The following DOP1B variants were observed in gnomAD, a reference collection of about 807,000 sequenced individuals.
DOP1B encodes the protein DOP1 leucine zipper like protein B.
Under a neutral mutation model 233.5 loss-of-function variants are expected in DOP1B, and 174 were observed. The observed-to-expected ratio is 0.75, with a 90% confidence interval of 0.66 to 0.85. The LOEUF (loss-of-function observed/expected upper bound fraction) is 0.85, where lower values mean the gene tolerates loss of function less well. Ranked by LOEUF, DOP1B falls within the 40% of genes least tolerant of loss-of-function variation. DOP1B has a pLI of 0.00. For missense variants in DOP1B, 2,652 were observed against 2,846.6 expected (o/e 0.93, Z 1.56); for synonymous variants, 1,190 against 1,185.6 (o/e 1.00, Z -0.08).
At chr21:36,270,326 G>GCGGGTCGCCTGAGGTGATTACAAATGATC (rs2067272963) in intron 27 of DOP1B, among the ~76,000 whole-genome samples, 169 bp downstream of exon 27, 3 of 151,848 alleles carry the variant, frequency 2.0e-5, no homozygotes, top group African/African-American at 7.3e-5. Flanking sequence ...ACCGAGATGG[G>GCGGGTCGCCTGAGGTGATTACAAATGATC]CAGATAAAGC....
intron 1 of DOP1B, among the ~76,000 whole-genome samples, chr21:36,159,635 C>T (rs1000402421): frequency 6.6e-6 from 1 of 152,186 alleles, no homozygotes; most frequent in Admixed American, 6.5e-5. Flanking sequence ...TTCATATGGC[C>T]AACCATAACA....
intron 22 of DOP1B, among the ~76,000 whole-genome samples, chr21:36,252,008 C>T (rs2067037217): frequency 2.6e-5 from 4 of 152,002 alleles, no homozygotes. Context: ...TGAGACCAGC[C>T]TGGGCAATAT....
rs140697913 is a variant in DOP1B at position 36,233,856 on chromosome 21, T to C, written c.2622+781T>C. 3.3e-5 allele frequency among the ~76,000 whole-genome samples: 5 copies of C among 152,230 alleles called. No homozygotes were observed. The East Asian group carries it at 9.7e-4, about 29-fold the overall frequency. ...TTTTACTTAATTGCTCATTGACTTT[T>C]TTTGTTGTTGTTGTTGAGACGGAGT... On this transcript the variant is annotated intron_variant, in intron 15 of 36. Transcript: ENST00000691173.
intron 26 of DOP1B, among the ~76,000 whole-genome samples, chr21:36,269,694 A>AC (rs200773949): frequency 6.8e-6 from 1 of 147,910 alleles, no homozygotes; most frequent in African/African-American, 2.5e-5. Context: ...TAATTTTTGT[A>AC]TTTTTTTTAG....
chr21:36,268,467 C>A (rs952790874), intron 26 of DOP1B, among the ~76,000 whole-genome samples: 1 of 152,088 alleles, frequency 6.6e-6, no homozygotes, highest in South Asian at 2.1e-4. Context: ...TTCAAACACA[C>A]GTTTTACAAT....
intron 2 of DOP1B, among the ~76,000 whole-genome samples, chr21:36,189,221 T>C (rs1232725052): frequency 6.6e-6 from 1 of 152,212 alleles, no homozygotes; most frequent in Non-Finnish European, 1.5e-5. Flanking sequence ...TTGAATCTTT[T>C]TTTTTCAAAC....
chr21:36,213,164 A>G (rs2066520048), intron 7 of DOP1B, among the ~76,000 whole-genome samples: 2 of 152,230 alleles, frequency 1.3e-5, no homozygotes, highest in African/African-American at 4.8e-5. Flanking sequence ...AAAACTTTAG[A>G]AAGTCATTGC....
At chr21:36,274,890 G>A (rs1235252729) in intron 27 of DOP1B, among the ~76,000 whole-genome samples, 1 of 152,146 alleles carries the variant, frequency 6.6e-6, no homozygotes, top group African/African-American at 2.4e-5. Flanking sequence ...TGTTGCCCAG[G>A]CAGGAGTGCA....
intron 2 of DOP1B, among the ~76,000 whole-genome samples, chr21:36,180,657 G>A (rs551487840): frequency 4.6e-5 from 7 of 152,160 alleles, no homozygotes; most frequent in Admixed American, 4.6e-4. Flanking sequence ...GAGGCGGGGG[G>A]ATCACCTGAG....
intron 5 of DOP1B, among the ~76,000 whole-genome samples, chr21:36,210,758 G>A (rs1348888176): frequency 1.3e-5 from 2 of 152,194 alleles, no homozygotes; most frequent in Non-Finnish European, 2.9e-5. Context: ...GTTGCAGTGA[G>A]TCAAGATCAC....
intron 21 of DOP1B, 53 bp downstream of exon 21, chr21:36,248,621 C>T: frequency 6.6e-7 from 1 of 1,517,000 alleles, no homozygotes; most frequent in Non-Finnish European, 8.9e-7. Flanking sequence ...TATTGTTCCA[C>T]CCAAAATAAA....
chr21:36,282,148 C>T (rs1254958575), intron 32 of DOP1B, among the ~76,000 whole-genome samples: 2 of 152,202 alleles, frequency 1.3e-5, no homozygotes, highest in Non-Finnish European at 2.9e-5. Flanking sequence ...AGGTCAGGTA[C>T]AGTGGCTCAT....
rs1255691645 is a variant in DOP1B at position 36,284,462 on chromosome 21, G to C, written c.6160+2851G>C. Among the ~76,000 whole-genome samples the C allele has an allele frequency of 2.7e-5, 4 of 150,130 alleles. No individual in the cohort carries two copies. In the Admixed American group the frequency reaches 2.7e-4, roughly 10 times the overall value. On this transcript the variant is annotated intron_variant, in intron 32 of 36. Transcript: ENST00000691173. ...ATTTTTGTATTTTTAGTAGAGACAG[G>C]GTTTCACCATGTTGGTCATGCTGGT... is the stretch of plus-strand genomic sequence containing the variant.
In DOP1B at chr21:36,231,152, C is replaced by T. The variant is rs183526573; in HGVS notation, c.2350+18C>T. On this transcript the variant is annotated intron_variant, in intron 14 of 36. Coordinates refer to ENST00000691173, the MANE Select transcript of DOP1B (RefSeq NM_001320714.2). The stretch of plus-strand genomic sequence containing the variant: ...GCTGCCAGGTGAGAGGCAGCCCTGC[C>T]GAAGTCCCTCTTTGGGAATCATACG... 5.1e-3 allele frequency: 7,975 copies of T among 1,557,652 alleles called. 51 individuals carry two copies. Among genetic ancestry groups the T allele is most frequent in the South Asian group, 0.012 (1,005 of 83,006 alleles).
At chr21:36,176,087 G>GGGGTGTGTGT (rs1232680435) in intron 2 of DOP1B, among the ~76,000 whole-genome samples, 8 of 96,534 alleles carry the variant, frequency 8.3e-5, no homozygotes, top group African/African-American at 2.8e-4. Flanking sequence ...TCGACTTTGG[G>GGGGTGTGTGT]GTGTGTGTGC....
rs200586554 is a variant in DOP1B, at chr21:36,201,624, A to G, written c.491+1123A>G. Among the ~76,000 whole-genome samples, 3 of 151,946 alleles carry G rather than the reference A, an allele frequency of 2.0e-5. No individual in the cohort carries two copies. The East Asian group carries it at 5.9e-4, about 30-fold the overall frequency. ...CAGCCTCCCAAAGTGCTGGGATTAC[A>G]GGCGTGAGCCACCACACACGGCTCA... On this transcript the variant is annotated intron_variant, in intron 4 of 36. Coordinates refer to ENST00000691173, the MANE Select transcript of DOP1B (RefSeq NM_001320714.2).
intron 9 of DOP1B, among the ~76,000 whole-genome samples, chr21:36,218,103 G>A (rs1294024673): frequency 3.3e-5 from 5 of 152,192 alleles, no homozygotes; most frequent in Admixed American, 2.6e-4. Context: ...GCACAGGACG[G>A]CCATTCAGTC....
chr21:36,159,439 G>A (rs1363764451), intron 1 of DOP1B, among the ~76,000 whole-genome samples: 2 of 151,914 alleles, frequency 1.3e-5, no homozygotes, highest in South Asian at 4.2e-4. Flanking sequence ...CAACAAGAGC[G>A]AAACTCCATC....
intron 2 of DOP1B, among the ~76,000 whole-genome samples, chr21:36,185,033 G>C: frequency 6.6e-6 from 1 of 152,212 alleles, no homozygotes; most frequent in East Asian, 1.9e-4. Context: ...GTAAGACTGT[G>C]TCCCGAAGGC....
Sources: gnomAD v4.1 joint callset for allele counts (sites outside exome capture counted in the v4.1 genomes callset) on GRCh38, gnomAD v4.1.1 for gene constraint, MANE v1.5 for transcripts, NCBI Gene and HGNC (gene_info 2026-07-23, HGNC 2026-07-21) for gene names.